LNPEP: variants seen among roughly 807,000 people sequenced by gnomAD.
The protein encoded by LNPEP is leucyl and cystinyl aminopeptidase, also known as leucyl-cystinyl aminopeptidase.
Under a neutral mutation model 120.6 loss-of-function variants are expected in LNPEP, and 64 were observed. That is an observed-to-expected ratio of 0.53 (90% CI 0.43 to 0.65). The LOEUF is 0.65. Among genes scored for constraint, LNPEP ranks in the 30% least tolerant of loss-of-function variants. The pLI, the probability that LNPEP is intolerant of heterozygous loss-of-function variation, is 0.00. For synonymous variants in LNPEP, 435 were observed against 425.4 expected, an observed-to-expected ratio of 1.02 and a Z score of -0.28; for missense variants, 1,057 against 1,200.0, an observed-to-expected ratio of 0.88 and a Z score of 1.76.
In LNPEP at chr5:97,011,197, G is replaced by A. The variant is rs1790917708; in HGVS notation, c.2036-2451G>A. On this transcript the variant is annotated intron_variant, in intron 11 of 17. Coordinates refer to ENST00000231368, the MANE Select transcript of LNPEP (RefSeq NM_005575.3). ...GGCAAGGGAGACTTGGGTCTCTGTA[G>A]CCCTTCTTTCTGGGGTTGTTTCTTT... The A allele has an allele frequency of 1.3e-5, 13 of 985,138 alleles. No individual in the cohort carries two copies. The South Asian group carries it at 3.8e-4, about 28-fold the overall frequency. The allele number at this position is 985,138 out of a possible 1,614,324, so 61.0% of individuals were successfully genotyped here. A position where few individuals can be genotyped will look rare whatever the true frequency, so the allele number is the denominator to read the frequency against.
intron 11 of LNPEP, chr5:97,010,286 C>T: frequency 1.0e-6 from 1 of 970,672 alleles, no homozygotes; most frequent in Non-Finnish European, 1.2e-6. Context: ...GCAAAACATT[C>T]ATGTTTCCAA....
chr5:96,953,210 TC>T lies in LNPEP; in HGVS notation c.19+17038del, dbSNP rs201866093. On this transcript the variant is annotated intron_variant, in intron 1 of 17. Transcript: ENST00000231368. ...CTGGCAGTAGGGAAAGGAAGGTACT[TC>T]CTGTAAGCTACACACTGATTTTCAT... Among the ~76,000 whole-genome samples the T allele has an allele frequency of 3.1e-3, 469 of 152,360 alleles. 6 individuals carry two copies. The highest frequency in any genetic ancestry group is 0.022 in the Admixed American group (334 of 15,308).
intron 1 of LNPEP, among the ~76,000 whole-genome samples, chr5:96,966,087 T>C (rs1327182477): frequency 6.6e-6 from 1 of 152,154 alleles, no homozygotes; most frequent in Non-Finnish European, 1.5e-5. Context: ...AAACCAGAAG[T>C]GGCTCATCTT....
At position 97,006,489 on chromosome 5, in the gene LNPEP, C is replaced by G. The variant is rs769954610; in HGVS notation, c.2009C>G (p.Ser670Trp). 6.4e-7 allele frequency: 1 copy of G among 1,558,702 alleles called. No individual in the cohort carries two copies. The highest frequency in any genetic ancestry group is 8.8e-7 in the Non-Finnish European group (1 of 1,130,318). Residue 670 changes from serine (S) to tryptophan (W), a missense_variant, in exon 11 of 18, where the codon TCG (serine) becomes TGG (tryptophan). By Grantham distance (177) the Ser-to-Trp change is radical. Transcript: ENST00000231368. ...TEGRNYSKYQ[S>W]VSLLDKKSGV... ...GGAAGAAATTATTCAAAATATCAAT[C>G]GGTATCATTACTGGATAAGAAATCA...
chr5:96,943,955 G>A (rs1789121441), intron 1 of LNPEP, among the ~76,000 whole-genome samples: 1 of 152,210 alleles, frequency 6.6e-6, no homozygotes, highest in African/African-American at 2.4e-5. Flanking sequence ...GATCTGGGGT[G>A]AAGGAAGTTA....
intron 1 of LNPEP, among the ~76,000 whole-genome samples, chr5:96,968,706 A>G (rs574217387): frequency 5.8e-4 from 89 of 152,198 alleles, no homozygotes; most frequent in African/African-American, 1.9e-3. Flanking sequence ...TTGGACCGGT[A>G]TAATAAATAA....
chr5:96,981,767 GTC>G (rs1406264439), intron 2 of LNPEP, among the ~76,000 whole-genome samples: 6 of 152,292 alleles, frequency 3.9e-5, no homozygotes, highest in Middle Eastern at 3.4e-3. Flanking sequence ...GACAGAGACA[GTC>G]AGTAACCTTG....
At chr5:97,012,805 TTC>T (rs767303184) in intron 11 of LNPEP, among the ~76,000 whole-genome samples, 13 of 152,334 alleles carry the variant, frequency 8.5e-5, no homozygotes, top group Non-Finnish European at 1.2e-4. Context: ...TTTCTAACAG[TTC>T]TCTCAGCATT....
rs529815870 is a variant in LNPEP, at chr5:96,941,405, A to G, written c.19+5231A>G. Among the ~76,000 whole-genome samples, 25 of 152,272 alleles carry G rather than the reference A, an allele frequency of 1.6e-4. No homozygotes were observed. The East Asian group carries it at 3.3e-3, about 20-fold the overall frequency. On this transcript the variant is annotated intron_variant, in intron 1 of 17. Transcript: ENST00000231368. ...AACCTACTGTAGGGGGCTGGAGTTG[A>G]GCTGATACTACTAGGCCTTTCCATA...
Position 96,985,185 on chromosome 5 carries a change from T to C in LNPEP, c.966T>C (p.Asp322=). 6.2e-7 allele frequency: 1 copy of C among 1,613,860 alleles called. No homozygotes were observed. Among genetic ancestry groups the C allele is most frequent in the Non-Finnish European group, 8.5e-7 (1 of 1,179,774 alleles). Residue 322 remains aspartate (D), a synonymous_variant, in exon 3 of 18, where the codon GAT becomes GAC. Coordinates refer to ENST00000231368, the MANE Select transcript of LNPEP (RefSeq NM_005575.3). ...KATFIIKIIR[D]EQYTALSNMP... is the part of the protein sequence containing the mutation. Reference sequence around the variant, plus strand: ...CTTTTATCATCAAGATCATAAGGGATGAGCAATACACCGCTTTATCAAATA... The same window carrying C: ...CTTTTATCATCAAGATCATAAGGGACGAGCAATACACCGCTTTATCAAATA...
At chr5:96,947,806 T>A (rs997057628) in intron 1 of LNPEP, among the ~76,000 whole-genome samples, 3 of 152,130 alleles carry the variant, frequency 2.0e-5, no homozygotes, top group African/African-American at 7.2e-5. Flanking sequence ...AGAGAGAATA[T>A]AATGTACAAA....
rs757725207 is a variant in LNPEP, at chr5:97,008,662, C to CTTTTTTT, written c.2035+2161_2035+2167dup. 2.2e-4 allele frequency among the ~76,000 whole-genome samples: 19 copies of CTTTTTTT among 85,444 alleles called. 1 individual carries two copies. Among genetic ancestry groups the CTTTTTTT allele is most frequent in the East Asian group, 3.5e-4 (1 of 2,840 alleles). The allele number at this position is 85,444 out of a possible 152,430, so 56.1% of individuals were successfully genotyped here. ...CCACCGCACCTGGCTCCTCTTTACT[C>CTTTTTTT]TTTTTTTTTTTTTTTTTTTTGAGAC... On this transcript the variant is annotated intron_variant, in intron 11 of 17. Coordinates refer to ENST00000231368, the MANE Select transcript of LNPEP (RefSeq NM_005575.3).
chr5:97,010,975 T>C, intron 11 of LNPEP: 1 of 985,396 alleles, frequency 1.0e-6, no homozygotes, highest in Middle Eastern at 5.2e-4. Context: ...TACTGCTTTA[T>C]GTTGTGTCAT....
intron 1 of LNPEP, among the ~76,000 whole-genome samples, chr5:96,955,080 C>T (rs992688132): frequency 4.0e-5 from 6 of 151,494 alleles, no homozygotes; most frequent in Admixed American, 3.9e-4. Flanking sequence ...CCGCGCCCGG[C>T]CTGCAATTAT....
chr5:96,992,795 C>CG (rs1790423651), intron 4 of LNPEP, among the ~76,000 whole-genome samples: 1 of 135,002 alleles, frequency 7.4e-6, no homozygotes, highest in African/African-American at 2.8e-5. Flanking sequence ...GGGGGTGGGG[C>CG]GGGGTTGGAA....
At chr5:96,947,053 C>T (rs919334882) in intron 1 of LNPEP, among the ~76,000 whole-genome samples, 1 of 152,044 alleles carries the variant, frequency 6.6e-6, no homozygotes, top group African/African-American at 2.4e-5. Context: ...TATAGTATAG[C>T]GAATTGATGG....
intron 1 of LNPEP, among the ~76,000 whole-genome samples, chr5:96,951,689 A>G (rs1789328074): frequency 6.6e-6 from 1 of 152,212 alleles, no homozygotes; most frequent in Non-Finnish European, 1.5e-5. Context: ...TTACTTTTCC[A>G]CAGGAATAAG....
Position 96,954,774 on chromosome 5 carries a change from T to TATA in LNPEP, c.19+18600_19+18601insATA, listed in dbSNP as rs1789420814. 2.7e-4 allele frequency among the ~76,000 whole-genome samples: 5 copies of TATA among 18,658 alleles called. 1 individual carries two copies. The highest frequency in any genetic ancestry group is 9.2e-4 in the African/African-American group (5 of 5,442). The allele number at this position is 18,658 out of a possible 152,430, so 12.2% of individuals were successfully genotyped here. A position where few individuals can be genotyped will look rare whatever the true frequency, so the allele number is the denominator to read the frequency against. On this transcript the variant is annotated intron_variant, in intron 1 of 17. Transcript: ENST00000231368. The stretch of plus-strand genomic sequence containing the variant: ...CATATATATATATATATATATATAT[T>TATA]TTTTTTTTTTTTTTTTTTTTTTTTT...
chr5:97,024,436 C>A (rs1204913630), intron 14 of LNPEP, 85 bp from the exon 15 acceptor site: 2 of 1,297,626 alleles, frequency 1.5e-6, no homozygotes, highest in African/African-American at 1.5e-5. Flanking sequence ...AACCCTCACA[C>A]CAGAAACTCC....
Sources: gnomAD v4.1 joint callset for allele counts (sites outside exome capture counted in the v4.1 genomes callset) on GRCh38, gnomAD v4.1.1 for gene constraint, MANE v1.5 for transcripts, NCBI Gene and HGNC (gene_info 2026-07-23, HGNC 2026-07-21) for gene names.